Variants in SGIP1 observed in about 807,000 individuals in gnomAD.
SGIP1 encodes SH3GL interacting endocytic adaptor 1, also known as SH3-containing GRB2-like protein 3-interacting protein 1.
A neutral mutation model predicts 107.5 loss-of-function variants in SGIP1; 38 were observed. That is an observed-to-expected ratio of 0.35 (90% CI 0.27 to 0.46). The LOEUF (loss-of-function observed/expected upper bound fraction) is 0.46. Among genes scored for constraint, SGIP1 ranks in the 20% least tolerant of loss-of-function variants. The pLI, the probability that SGIP1 is intolerant of heterozygous loss-of-function variation, is 1.00. For missense variants in SGIP1, 929 were observed against 1,019.5 expected (o/e 0.91, Z 1.21); for synonymous variants, 365 against 366.1 (o/e 1.00, Z 0.03).
chr1:66,580,385 A>G (rs1448696467), intron 1 of SGIP1, among the ~76,000 whole-genome samples: 1 of 152,146 alleles, frequency 6.6e-6, no homozygotes, highest in Non-Finnish European at 1.5e-5. Flanking sequence ...TCTTCCCCTG[A>G]TAACTACATA....
intron 2 of SGIP1, among the ~76,000 whole-genome samples, chr1:66,631,465 T>G (rs1253923928): frequency 6.6e-6 from 1 of 152,238 alleles, no homozygotes; most frequent in Non-Finnish European, 1.5e-5. Context: ...TCTCTGTTTC[T>G]TGTCCCTGTA....
chr1:66,550,004 T>A (rs1428465635), intron 1 of SGIP1, among the ~76,000 whole-genome samples: 1 of 151,946 alleles, frequency 6.6e-6, no homozygotes, highest in African/African-American at 2.4e-5. Flanking sequence ...AAAAGAAGAG[T>A]CCCTCCCAGT....
intron 7 of SGIP1, among the ~76,000 whole-genome samples, chr1:66,657,873 AT>A (rs1349840850): frequency 6.6e-6 from 1 of 152,230 alleles, no homozygotes; most frequent in Non-Finnish European, 1.5e-5. Flanking sequence ...ATAATTAAAA[AT>A]AAACTCTGAT....
chr1:66,741,818 A>G (rs2094454466), intron 24 of SGIP1, among the ~76,000 whole-genome samples: 1 of 151,252 alleles, frequency 6.6e-6, no homozygotes, highest in Non-Finnish European at 1.5e-5. Context: ...CCCAGGCTGG[A>G]CTGCAGTGGC....
chr1:66,724,567 C>T (rs575439223), intron 19 of SGIP1, among the ~76,000 whole-genome samples: 14 of 152,246 alleles, frequency 9.2e-5, no homozygotes, highest in African/African-American at 2.9e-4. Flanking sequence ...CACAGGACTA[C>T]GTGGACTACT....
chr1:66,547,757 C>A (rs1269178024), intron 1 of SGIP1, among the ~76,000 whole-genome samples: 1 of 152,086 alleles, frequency 6.6e-6, no homozygotes, highest in Non-Finnish European at 1.5e-5. Context: ...TGAACAAGAT[C>A]ATCTCAGATT....
At chr1:66,659,815 T>G (rs2080532049) in intron 7 of SGIP1, among the ~76,000 whole-genome samples, 2 of 150,748 alleles carry the variant, frequency 1.3e-5, no homozygotes, top group African/African-American at 4.9e-5. Flanking sequence ...GAGGCTGAGG[T>G]GGGAGGATCT....
rs190071395 is a variant in SGIP1, at chr1:66,626,044, G to A, written c.74+134G>A. 18 of 446,944 alleles carry A rather than the reference G, an allele frequency of 4.0e-5. No individual in the cohort carries two copies. In the Admixed American group the frequency reaches 5.1e-4, roughly 13 times the overall value. The allele number at this position is 446,944 out of a possible 1,614,324, so 27.7% of individuals were successfully genotyped here. ...TGCTTTCCTCATTTCTGAGTAAATT[G>A]TAATTATTCAATATAAACAGTTCTT... On this transcript the variant is annotated intron_variant, in intron 2 of 24. Transcript: ENST00000371037.
At chr1:66,566,886 G>A (rs1417404942) in intron 1 of SGIP1, among the ~76,000 whole-genome samples, 14 of 151,758 alleles carry the variant, frequency 9.2e-5, no homozygotes, top group Admixed American at 3.9e-4. Flanking sequence ...AACAGGGTCC[G>A]GTGTGTGATG....
chr1:66,563,639 G>A (rs886430791), intron 1 of SGIP1, among the ~76,000 whole-genome samples: 10 of 151,982 alleles, frequency 6.6e-5, no homozygotes, highest in Middle Eastern at 3.2e-3. Context: ...GAATCACATC[G>A]GATGGAATGT....
chr1:66,537,782 G>A (rs1281297084), intron 1 of SGIP1, among the ~76,000 whole-genome samples: 3 of 151,736 alleles, frequency 2.0e-5, no homozygotes, highest in East Asian at 1.9e-4. Flanking sequence ...TTGTATATAC[G>A]GTGCTTTTTT....
chr1:66,667,152 A>T (rs1429999671), intron 8 of SGIP1, among the ~76,000 whole-genome samples: 1 of 152,140 alleles, frequency 6.6e-6, no homozygotes, highest in Non-Finnish European at 1.5e-5. Flanking sequence ...TCTGTAGGGA[A>T]ACAGTTTACT....
Position 66,682,164 on chromosome 1 carries a change from ACTATCGCCG to A in SGIP1, c.1113_1121del (p.Ser372_Leu374del). On this transcript the variant is annotated inframe_deletion, in exon 15 of 25. Transcript: ENST00000371037. ...GGCCTCCTGGGCCTCCTCGCAATGT[ACTATCGCCG>A]CTCAATTTAGAAGAAGTCCAGAAGA... is the stretch of plus-strand genomic sequence containing the variant. 1 of 1,614,164 alleles carries A rather than the reference ACTATCGCCG, an allele frequency of 6.2e-7. No individual in the cohort carries two copies.
chr1:66,743,203 A>T lies in SGIP1; in HGVS notation c.*108A>T. 3.6e-6 allele frequency: 4 copies of T among 1,124,438 alleles called. No individual in the cohort carries two copies. In the South Asian group the frequency reaches 5.4e-5, roughly 15 times the overall value. The allele number at this position is 1,124,438 out of a possible 1,614,324, so 69.7% of individuals were successfully genotyped here. ...AAACAAACCAATATCTGCACTTGGG[A>T]TATATCAGGTGGAAAGTCAATGACT... is the stretch of plus-strand genomic sequence containing the variant. On this transcript the variant is annotated 3_prime_UTR_variant, in exon 25 of 25. Transcript: ENST00000371037.
intron 2 of SGIP1, among the ~76,000 whole-genome samples, chr1:66,631,358 A>C (rs528224504): frequency 1.2e-4 from 19 of 152,180 alleles, no homozygotes; most frequent in Non-Finnish European, 1.3e-4. Flanking sequence ...TCTATTTTAA[A>C]TAAAATTTTT....
intron 14 of SGIP1, among the ~76,000 whole-genome samples, chr1:66,681,576 C>G (rs112859588): frequency 2.0e-5 from 3 of 152,276 alleles, no homozygotes; most frequent in African/African-American, 7.2e-5. Context: ...CTGTGAGCAG[C>G]CTTCGAGAGC....
chr1:66,682,410 G>C, intron 15 of SGIP1, 41 bp downstream of exon 15: 1 of 1,567,732 alleles, frequency 6.4e-7, no homozygotes, highest in Non-Finnish European at 8.6e-7. Context: ...GACGGGGAAT[G>C]GCCATGGCTG....
intron 2 of SGIP1, 96 bp downstream of exon 2, chr1:66,626,006 A>G: frequency 6.2e-6 from 5 of 805,732 alleles, no homozygotes; most frequent in African/African-American, 1.7e-5. Context: ...TTTCTCGGAT[A>G]TTGTGTACTA....
chr1:66,560,826 G>A (rs1000677965), intron 1 of SGIP1, among the ~76,000 whole-genome samples: 3 of 152,052 alleles, frequency 2.0e-5, no homozygotes, highest in African/African-American at 7.2e-5. Flanking sequence ...AAGTTCTTAA[G>A]CTTTATGCTT....
Sources: gnomAD v4.1 joint callset for allele counts (sites outside exome capture counted in the v4.1 genomes callset) on GRCh38, gnomAD v4.1.1 for gene constraint, MANE v1.5 for transcripts, NCBI Gene and HGNC (gene_info 2026-07-23, HGNC 2026-07-21) for gene names.